FHOD3: variants seen among roughly 807,000 people sequenced by gnomAD.
FHOD3 encodes the protein formin homology 2 domain containing 3, also known as FH1/FH2 domain-containing protein 3.
Under a neutral mutation model 173.0 loss-of-function variants are expected in FHOD3, and 90 were observed. The ratio of observed to expected loss-of-function variants is 0.52; its 90% CI spans 0.44 to 0.62. The LOEUF is 0.62. Among genes scored for constraint, FHOD3 ranks in the 20% least tolerant of loss-of-function variants. The pLI, the probability that FHOD3 is intolerant of heterozygous loss-of-function variation, is 0.00. For synonymous variants in FHOD3, 828 were observed against 823.0 expected, an observed-to-expected ratio of 1.01 and a Z score of -0.10; for missense variants, 1,945 against 2,034.7, an observed-to-expected ratio of 0.96 and a Z score of 0.85.
chr18:36,774,023 G>A (rs2043515295), intron 28 of FHOD3, among the ~76,000 whole-genome samples: 1 of 152,242 alleles, frequency 6.6e-6, no homozygotes, highest in Non-Finnish European at 1.5e-5. Context: ...CAAGTCTGTA[G>A]ATTCCTGAGC....
chr18:36,664,475 G>A (rs896574372), intron 14 of FHOD3, among the ~76,000 whole-genome samples: 18 of 152,312 alleles, frequency 1.2e-4, no homozygotes, highest in Admixed American at 2.6e-4. Context: ...TACATCCAAA[G>A]CACGCAAGAG....
intron 10 of FHOD3, among the ~76,000 whole-genome samples, chr18:36,627,902 C>T (rs755358722): frequency 6.6e-5 from 10 of 152,164 alleles, no homozygotes; most frequent in Non-Finnish European, 1.0e-4. Context: ...TTGAAAGACA[C>T]AGAAGCTGCC....
chr18:36,342,393 G>A (rs572995402), intron 1 of FHOD3, among the ~76,000 whole-genome samples: 35 of 152,080 alleles, frequency 2.3e-4, no homozygotes, highest in Middle Eastern at 3.4e-3. Context: ...ATAATTACAA[G>A]GTAATCTGCA....
chr18:36,383,051 G>T (rs995343426), intron 3 of FHOD3, among the ~76,000 whole-genome samples: 4 of 152,192 alleles, frequency 2.6e-5, no homozygotes, highest in African/African-American at 7.2e-5. Context: ...CACGGGGAGT[G>T]CCCTGTCTGA....
At position 36,468,346 on chromosome 18, in the gene FHOD3, G is replaced by A. The variant is rs539495163; in HGVS notation, c.338-33586G>A. On this transcript the variant is annotated intron_variant, in intron 3 of 28. Coordinates refer to ENST00000590592, the MANE Select transcript of FHOD3 (RefSeq NM_001281740.3). Reference sequence around the variant, plus strand: ...TGGCACTAAGAATAGCCAGCTAGACGTGGTGATAAGGGCCCAGATGGCCAG... The same window carrying A: ...TGGCACTAAGAATAGCCAGCTAGACATGGTGATAAGGGCCCAGATGGCCAG... 2.6e-3 allele frequency among the ~76,000 whole-genome samples: 394 copies of A among 152,318 alleles called. 1 individual carries two copies. The highest frequency in any genetic ancestry group is 3.7e-3 in the Non-Finnish European group (250 of 68,022).
chr18:36,485,190 C>G (rs2145621999), intron 3 of FHOD3, among the ~76,000 whole-genome samples: 1 of 152,300 alleles, frequency 6.6e-6, no homozygotes, highest in Middle Eastern at 3.4e-3. Flanking sequence ...TTATCATGTA[C>G]CAGTCAGAGG....
At chr18:36,513,181 TAA>T (rs59461055) in intron 5 of FHOD3, among the ~76,000 whole-genome samples, 1 of 141,874 alleles carries the variant, frequency 7.0e-6, no homozygotes, top group Admixed American at 7.0e-5. Context: ...TTTGATCCTG[TAA>T]AAAAAAAAAA....
chr18:36,298,257 C>G (rs1037812242), intron 1 of FHOD3, among the ~76,000 whole-genome samples: 12 of 150,940 alleles, frequency 8.0e-5, no homozygotes, highest in Middle Eastern at 3.5e-3. Flanking sequence ...GGTGCCGAGC[C>G]GGTCCGAGGC....
chr18:36,487,704 G>C (rs898768873), intron 3 of FHOD3, among the ~76,000 whole-genome samples: 1 of 152,148 alleles, frequency 6.6e-6, no homozygotes, highest in African/African-American at 2.4e-5. Context: ...AAATGTGTTG[G>C]ACTCACCCAG....
chr18:36,687,281 T>C, intron 16 of FHOD3, 103 bp downstream of exon 16: 1 of 858,354 alleles, frequency 1.2e-6, no homozygotes, highest in Non-Finnish European at 1.9e-6. Context: ...CTGCTTCACC[T>C]AAAACCTTAC....
At chr18:36,356,066 C>T (rs1321400685) in intron 2 of FHOD3, among the ~76,000 whole-genome samples, 1 of 152,096 alleles carries the variant, frequency 6.6e-6, no homozygotes, top group Non-Finnish European at 1.5e-5. Context: ...CACTGCACTC[C>T]AGCTTGGATA....
intron 19 of FHOD3, among the ~76,000 whole-genome samples, chr18:36,726,327 T>G (rs1377255266): frequency 6.6e-6 from 1 of 152,074 alleles, no homozygotes; most frequent in Non-Finnish European, 1.5e-5. Flanking sequence ...TACAAGAGGT[T>G]TTTTGCTTTG....
chr18:36,731,718 T>C (rs2041370453), intron 20 of FHOD3, among the ~76,000 whole-genome samples: 1 of 152,104 alleles, frequency 6.6e-6, no homozygotes, highest in Non-Finnish European at 1.5e-5. Flanking sequence ...AAGCCTTCTA[T>C]AGAAAAGTTG....
At chr18:36,541,563 TA>T (rs148799056) in intron 5 of FHOD3, among the ~76,000 whole-genome samples, 6,548 of 152,238 alleles carry the variant, frequency 0.043, 212 homozygotes, top group Non-Finnish European at 0.066. Context: ...GCTATACATT[TA>T]TTTTTTTGCT....
At chr18:36,446,478 A>G (rs975826225) in intron 3 of FHOD3, among the ~76,000 whole-genome samples, 1 of 151,162 alleles carries the variant, frequency 6.6e-6, no homozygotes, top group African/African-American at 2.4e-5. Context: ...CAGAGAGGTC[A>G]GGCCTAATTC....
At chr18:36,767,954 TAA>T (rs200912566) in intron 27 of FHOD3, among the ~76,000 whole-genome samples, 1 of 150,250 alleles carries the variant, frequency 6.7e-6, no homozygotes, top group South Asian at 2.1e-4. Flanking sequence ...CACCAAAACT[TAA>T]AAAAAAAATT....
At chr18:36,603,797 C>A (rs927353698) in intron 8 of FHOD3, among the ~76,000 whole-genome samples, 5 of 152,150 alleles carry the variant, frequency 3.3e-5, no homozygotes. Flanking sequence ...AGCCACTGTG[C>A]CTGGCCAAAA....
chr18:36,580,205 T>C (rs2058797176), intron 6 of FHOD3, among the ~76,000 whole-genome samples: 1 of 152,260 alleles, frequency 6.6e-6, no homozygotes, highest in South Asian at 2.1e-4. Flanking sequence ...GTGTGCTTCC[T>C]CAGTGGTGGT....
At chr18:36,363,137 G>A (rs184293749) in intron 2 of FHOD3, among the ~76,000 whole-genome samples, 6 of 152,218 alleles carry the variant, frequency 3.9e-5, no homozygotes, top group Admixed American at 2.6e-4. Context: ...AAAAAAACAC[G>A]GATATCATCA....
Sources: allele counts gnomAD v4.1 joint callset (sites outside exome capture counted in the v4.1 genomes callset), GRCh38; gene constraint gnomAD v4.1.1; transcripts MANE v1.5; gene names NCBI Gene and HGNC (gene_info 2026-07-23, HGNC 2026-07-21).